Variants in KIDINS220 observed in about 807,000 individuals in gnomAD.
KIDINS220 encodes kinase D interacting substrate 220.
In KIDINS220, 63 loss-of-function variants were observed where a neutral mutation model predicts 157.6. The ratio of observed to expected loss-of-function variants is 0.40; its 90% CI spans 0.33 to 0.49. The LOEUF (loss-of-function observed/expected upper bound fraction) is 0.49, where lower values mean the gene tolerates loss of function less well. KIDINS220 is among the 20% of genes least tolerant of loss of function. The pLI, the probability that KIDINS220 is intolerant of heterozygous loss-of-function variation, is 0.66. For missense variants in KIDINS220, 1,772 were observed against 2,171.2 expected, an observed-to-expected ratio of 0.82 and a Z score of 3.65; for synonymous variants, 732 against 783.6, an observed-to-expected ratio of 0.93 and a Z score of 1.10.
chr2:8,836,709 CA>C (rs1680451738), intron 1 of KIDINS220, among the ~76,000 whole-genome samples: 1 of 150,550 alleles, frequency 6.6e-6, no homozygotes, highest in African/African-American at 2.5e-5. Context: ...TCAGTGTTGT[CA>C]AAATGTGGAC....
intron 6 of KIDINS220, among the ~76,000 whole-genome samples, chr2:8,808,230 T>G (rs887798894): frequency 6.6e-6 from 1 of 152,226 alleles, no homozygotes; most frequent in Non-Finnish European, 1.5e-5. Flanking sequence ...GCCTCCTCTT[T>G]TGCGGATAAT....
intron 7 of KIDINS220, among the ~76,000 whole-genome samples, chr2:8,804,832 T>A (rs1675212873): frequency 6.6e-6 from 1 of 152,168 alleles, no homozygotes; most frequent in African/African-American, 2.4e-5. Context: ...AGCAATCAAT[T>A]CTGCAGCAGA....
At chr2:8,818,905 T>C (rs1184477448) in intron 2 of KIDINS220, 112 bp from the exon 3 acceptor site, 1 of 496,732 alleles carries the variant, frequency 2.0e-6, no homozygotes, top group African/African-American at 2.0e-5. Context: ...ATTGTTTAGT[T>C]GTGTTTACTA....
At chr2:8,722,163 G>C (rs565012718), downstream of KIDINS220, 9 of 151,890 alleles carry the variant, frequency 5.9e-5, no homozygotes, top group South Asian at 4.2e-4. Flanking sequence ...GGAGTTTTAG[G>C]AACCATTAAG....
intron 7 of KIDINS220, among the ~76,000 whole-genome samples, chr2:8,804,900 G>A (rs1407604679): frequency 3.3e-5 from 5 of 152,084 alleles, no homozygotes; most frequent in Non-Finnish European, 7.4e-5. Flanking sequence ...GGTAGCATCA[G>A]ACCCCACAGG....
intron 21 of KIDINS220, among the ~76,000 whole-genome samples, chr2:8,772,679 A>T (rs1255180521): frequency 6.6e-6 from 1 of 152,202 alleles, no homozygotes; most frequent in Non-Finnish European, 1.5e-5. Flanking sequence ...CTTCCAAAAT[A>T]ATCCAATAAA....
chr2:8,793,825 G>C lies in KIDINS220; in HGVS notation c.1261C>G (p.Gln421Glu). ...DCSHQKSILTQIFGARHLSPT... is the reference protein window; with the variant it reads ...DCSHQKSILTEIFGARHLSPT... ...CAATACTTACTGGCTCCAAATATTT[G>C]AGTTAAAATACTCTTCTGATGGCTA... Residue 421 changes from glutamine (Q) to glutamate (E), a missense_variant, in exon 12 of 30, where the codon CAA becomes GAA. By Grantham distance (29) the Gln-to-Glu change is conservative. Coordinates refer to ENST00000256707, the MANE Select transcript of KIDINS220 (RefSeq NM_020738.4). 2 of 1,596,632 alleles carry C rather than the reference G, an allele frequency of 1.3e-6. No homozygotes were observed. The highest frequency in any genetic ancestry group is 1.7e-6 in the Non-Finnish European group (2 of 1,173,704).
chr2:8,810,515 G>T (rs1676135274), intron 6 of KIDINS220, among the ~76,000 whole-genome samples: 1 of 152,238 alleles, frequency 6.6e-6, no homozygotes, highest in South Asian at 2.1e-4. Flanking sequence ...GCTGGGCGTG[G>T]TGGCTCACGC....
chr2:8,754,286 T>A (rs1349860098), intron 22 of KIDINS220, among the ~76,000 whole-genome samples: 3 of 152,208 alleles, frequency 2.0e-5, no homozygotes, highest in Non-Finnish European at 4.4e-5. Context: ...CAGATTGAAG[T>A]CTCTATTCTA....
Position 8,748,045 on chromosome 2 carries a change from A to G in KIDINS220, c.3415-45T>C, listed in dbSNP as rs764210499. The G allele has an allele frequency of 2.8e-5, 31 of 1,123,508 alleles. No individual in the cohort carries two copies. In the Middle Eastern group the frequency reaches 1.0e-3, roughly 37 times the overall value. 69.6% of individuals were successfully genotyped at this position (1,123,508 alleles called of 1,614,324 possible). On this transcript the variant is annotated intron_variant, in intron 24 of 29. Transcript: ENST00000256707. ...AAAAAAGGGGTAAACAATTACAGAA[A>G]TGAAAGTGTAATGAGATTTTTCAAA...
At chr2:8,726,030 A>G (rs1663273873), downstream of KIDINS220, among the ~76,000 whole-genome samples, 1 of 152,236 alleles carries the variant, frequency 6.6e-6, no homozygotes, top group Admixed American at 6.5e-5. Flanking sequence ...GCTTTGAAGC[A>G]GGAACGCTTG....
chr2:8,794,977 G>C (rs1368170926), intron 11 of KIDINS220, among the ~76,000 whole-genome samples: 1 of 152,194 alleles, frequency 6.6e-6, no homozygotes, highest in African/African-American at 2.4e-5. Context: ...AGGATATAAA[G>C]ATGTAAGACA....
intron 24 of KIDINS220, chr2:8,749,445 G>A (rs781066161): frequency 2.2e-5 from 10 of 455,312 alleles, no homozygotes; most frequent in South Asian, 1.6e-4. Context: ...TAGTGTTTGA[G>A]GTCATTAAAG....
chr2:8,772,470 T>C (rs1163950803), intron 21 of KIDINS220, among the ~76,000 whole-genome samples: 2 of 150,626 alleles, frequency 1.3e-5, no homozygotes, highest in Non-Finnish European at 1.5e-5. Flanking sequence ...AGCGAGACTA[T>C]CTCGAAAAAA....
At position 8,731,194 on chromosome 2, in the gene KIDINS220, G is replaced by A; in HGVS notation, c.4842C>T (p.Leu1614=). Residue 1614 remains leucine, a synonymous_variant, in exon 30 of 30, where the codon CTC becomes CTT. Transcript: ENST00000256707. The surrounding 1 kb of genome is among the most constrained non-coding windows in gnomAD (Gnocchi z 5.2). ...ADDSQLEKAN[L]IELEDDSHSG... ...TGTGACTGTCATCTTCCAGCTCTAT[G>A]AGATTTGCCTTTTCAAGCTGGGAGT... The A allele has an allele frequency of 2.5e-6, 4 of 1,614,172 alleles. No individual in the cohort carries two copies. Among genetic ancestry groups the A allele is most frequent in the East Asian group, 2.2e-5 (1 of 44,880 alleles).
chr2:8,795,396 C>T (rs1673768206), intron 11 of KIDINS220, among the ~76,000 whole-genome samples: 1 of 152,176 alleles, frequency 6.6e-6, no homozygotes, highest in South Asian at 2.1e-4. Context: ...CCTATAAATG[C>T]AGGGAGGATA....
At chr2:8,727,249 G>C (rs568652345), downstream of KIDINS220, 9 of 1,081,678 alleles carry the variant, frequency 8.3e-6, no homozygotes, top group Admixed American at 1.7e-4. Flanking sequence ...CTTCCCTTCC[G>C]CCCAGTGTCG....
chr2:8,748,544 T>A (rs543226379), intron 24 of KIDINS220, among the ~76,000 whole-genome samples: 7 of 152,302 alleles, frequency 4.6e-5, no homozygotes, highest in South Asian at 2.1e-4. Flanking sequence ...CATATTTTTT[T>A]TAAAAAACGT....
At chr2:8,823,817 C>T (rs1459747866) in intron 2 of KIDINS220, among the ~76,000 whole-genome samples, 5 of 152,038 alleles carry the variant, frequency 3.3e-5, no homozygotes, top group African/African-American at 1.2e-4. Flanking sequence ...TAACAACCTC[C>T]AATTATAAAT....
Sources: gnomAD v4.1 joint callset for allele counts (sites outside exome capture counted in the v4.1 genomes callset) on GRCh38, gnomAD v4.1.1 for gene constraint, Gnocchi (gnomAD v3.1) non-coding constraint, MANE v1.5 for transcripts, NCBI Gene and HGNC (gene_info 2026-07-23, HGNC 2026-07-21) for gene names.